CAMK1D: variants seen among roughly 807,000 people sequenced by gnomAD.
The protein encoded by CAMK1D is calcium/calmodulin-dependent protein kinase type 1D.
In CAMK1D, 9 loss-of-function variants were observed where a neutral mutation model predicts 47.7. The ratio of observed to expected loss-of-function variants is 0.19; its 90% CI spans 0.11 to 0.33. The LOEUF is 0.33. Ranked by LOEUF, CAMK1D falls within the 10% of genes least tolerant of loss-of-function variation. The pLI is 1.00. For missense variants in CAMK1D, 291 were observed against 488.7 expected (o/e 0.60, Z 3.81); for synonymous variants, 184 against 184.9 (o/e 0.99, Z 0.04).
intron 2 of CAMK1D, among the ~76,000 whole-genome samples, chr10:12,647,451 C>T (rs1022424259): frequency 6.6e-6 from 1 of 152,110 alleles, no homozygotes; most frequent in Non-Finnish European, 1.5e-5. Flanking sequence ...ACCCAGCCCT[C>T]CGCCTAGTTT....
chr10:12,501,584 G>T (rs1834704936), intron 1 of CAMK1D, among the ~76,000 whole-genome samples: 1 of 152,178 alleles, frequency 6.6e-6, no homozygotes, highest in Non-Finnish European at 1.5e-5. Context: ...TGTGGACTCT[G>T]TTCACCAGGA....
intron 2 of CAMK1D, among the ~76,000 whole-genome samples, chr10:12,643,883 C>CAAA (rs757215270): frequency 2.6e-5 from 3 of 114,168 alleles, no homozygotes; most frequent in Admixed American, 9.3e-5. Context: ...GACTCTGACT[C>CAAA]AAAAAAAAAA....
chr10:12,538,953 A>C (rs1035511020), intron 1 of CAMK1D, among the ~76,000 whole-genome samples: 1 of 151,950 alleles, frequency 6.6e-6, no homozygotes, highest in South Asian at 2.1e-4. Flanking sequence ...AGACAAGAGC[A>C]ACAGGCCTTG....
chr10:12,551,621 C>G (rs1313437457), intron 1 of CAMK1D, among the ~76,000 whole-genome samples: 1 of 151,970 alleles, frequency 6.6e-6, no homozygotes, highest in African/African-American at 2.4e-5. Context: ...ACCTGTAATC[C>G]CAGCTCCTCA....
Position 12,829,033 on chromosome 10 carries a change from T to G in CAMK1D, c.*146T>G. The G allele has an allele frequency of 1.2e-5, 7 of 579,970 alleles. No homozygotes were observed. Among genetic ancestry groups the G allele is most frequent in the Admixed American group, 3.3e-5 (1 of 30,590 alleles). 35.9% of individuals were successfully genotyped at this position (579,970 alleles called of 1,614,324 possible). ...GAAGACCGAAGTTTTTTTATGGCCA[T>G]ATTTTCTACTGCAATTCTGAAGTGT... On this transcript the variant is annotated 3_prime_UTR_variant, in exon 11 of 11. Coordinates refer to ENST00000619168, the MANE Select transcript of CAMK1D (RefSeq NM_153498.4).
chr10:12,463,731 C>G (rs1336221405), intron 1 of CAMK1D, among the ~76,000 whole-genome samples: 2 of 151,882 alleles, frequency 1.3e-5, no homozygotes, highest in Admixed American at 1.3e-4. Flanking sequence ...GCTTTATTTC[C>G]CCACCAGGTC....
chr10:12,773,542 A>G (rs989301129), intron 5 of CAMK1D, among the ~76,000 whole-genome samples: 2 of 152,132 alleles, frequency 1.3e-5, no homozygotes, highest in African/African-American at 4.8e-5. Flanking sequence ...TGATCTGTGG[A>G]TCCGCATATT....
chr10:12,665,440 T>C (rs1458616950), intron 2 of CAMK1D, among the ~76,000 whole-genome samples: 1 of 152,242 alleles, frequency 6.6e-6, no homozygotes, highest in Non-Finnish European at 1.5e-5. Context: ...CAACAGCCTT[T>C]CAATATCATT....
At chr10:12,517,145 G>T (rs1835235066) in intron 1 of CAMK1D, among the ~76,000 whole-genome samples, 1 of 152,124 alleles carries the variant, frequency 6.6e-6, no homozygotes, top group African/African-American at 2.4e-5. Context: ...TGCAGCTGTT[G>T]TGAATAGTAT....
intron 1 of CAMK1D, among the ~76,000 whole-genome samples, chr10:12,359,723 A>G (rs1437268499): frequency 1.3e-5 from 2 of 152,104 alleles, no homozygotes; most frequent in Non-Finnish European, 2.9e-5. Context: ...ATTGAAACTC[A>G]TGTTTTGATT....
At position 12,480,375 on chromosome 10, in the gene CAMK1D, CAG is replaced by C. The variant is rs1460991985; in HGVS notation, c.93-72849_93-72848del. Among the ~76,000 whole-genome samples the C allele has an allele frequency of 6.0e-3, 920 of 152,120 alleles. 15 individuals carry two copies. Among genetic ancestry groups the C allele is most frequent in the African/African-American group, 0.021 (864 of 41,470 alleles). On this transcript the variant is annotated intron_variant, in intron 1 of 10. Transcript: ENST00000619168. ...ACTGGAACCCGGGAGGCGGAGGTTG[CAG>C]TGAGCCGAGATCGCGCCACTGCACT...
chr10:12,786,577 G>T (rs1220558609), intron 5 of CAMK1D, among the ~76,000 whole-genome samples: 1 of 152,058 alleles, frequency 6.6e-6, no homozygotes, highest in African/African-American at 2.4e-5. Context: ...ATTTATTTTA[G>T]AGACAGCGTC....
intron 1 of CAMK1D, among the ~76,000 whole-genome samples, chr10:12,513,823 G>A (rs757333208): frequency 2.6e-5 from 4 of 152,008 alleles, no homozygotes; most frequent in African/African-American, 7.2e-5. Context: ...AATCAAAAAC[G>A]ATGTGATCAG....
At chr10:12,816,228 C>T (rs1322510540) in intron 7 of CAMK1D, 22 bp from the exon 8 acceptor site, 2 of 1,608,874 alleles carry the variant, frequency 1.2e-6, no homozygotes, top group East Asian at 4.5e-5. Context: ...GATTCCTTCC[C>T]TTGTGCCTTC....
chr10:12,384,632 G>A (rs373584428), intron 1 of CAMK1D, among the ~76,000 whole-genome samples: 4 of 152,038 alleles, frequency 2.6e-5, no homozygotes, highest in Admixed American at 1.3e-4. Context: ...CTAGATATTC[G>A]TATATGAAAG....
At chr10:12,713,007 G>T (rs1271391433) in intron 3 of CAMK1D, among the ~76,000 whole-genome samples, 1 of 152,132 alleles carries the variant, frequency 6.6e-6, no homozygotes, top group Non-Finnish European at 1.5e-5. Flanking sequence ...GGAAAAGATG[G>T]TTTTGACATT....
At chr10:12,552,696 G>A (rs1195101891) in intron 1 of CAMK1D, among the ~76,000 whole-genome samples, 4 of 152,152 alleles carry the variant, frequency 2.6e-5, no homozygotes, top group Non-Finnish European at 5.9e-5. Context: ...ATGTCCCTTT[G>A]CAGGAAGGCC....
intron 1 of CAMK1D, among the ~76,000 whole-genome samples, chr10:12,523,888 ATTATTTATTTAT>A (rs201176779): frequency 3.3e-5 from 5 of 151,512 alleles, no homozygotes; most frequent in African/African-American, 1.2e-4. Flanking sequence ...TTTTGTAGGG[ATTATTTATTTAT>A]TTATTTATTT....
intron 1 of CAMK1D, among the ~76,000 whole-genome samples, chr10:12,542,872 A>G (rs1836241527): frequency 6.6e-6 from 1 of 152,006 alleles, no homozygotes; most frequent in African/African-American, 2.4e-5. Flanking sequence ...CAGCCTCCCA[A>G]GTAGCTGGGA....
Sources: gnomAD v4.1 joint callset for allele counts (sites outside exome capture counted in the v4.1 genomes callset) on GRCh38, gnomAD v4.1.1 for gene constraint, MANE v1.5 for transcripts, NCBI Gene and HGNC (gene_info 2026-07-23, HGNC 2026-07-21) for gene names.